DOT1L: variants seen among roughly 807,000 people sequenced by gnomAD.
DOT1L encodes the protein histone-lysine N-methyltransferase, H3 lysine-79 specific.
DOT1L carries 33 observed loss-of-function variants against 153.3 expected under a neutral mutation model. The observed-to-expected ratio is 0.22, with a 90% CI of 0.16 to 0.29. The LOEUF (loss-of-function observed/expected upper bound fraction) is 0.29. Ranked by LOEUF, DOT1L falls within the 10% of genes least tolerant of loss-of-function variation. The pLI is 1.00. For synonymous variants in DOT1L, 1,135 were observed against 965.1 expected (o/e 1.18, Z -3.26); for missense variants, 1,847 against 2,119.9 (o/e 0.87, Z 2.53).
chr19:2,228,452 G>T, intron 27 of DOT1L: 1 of 1,223,946 alleles, frequency 8.2e-7, no homozygotes, highest in African/African-American at 1.6e-5. Context: ...AGAGAAGACG[G>T]CCACAGGGCT....
chr19:2,182,944 C>T (rs1235880237), intron 2 of DOT1L, among the ~76,000 whole-genome samples: 2 of 152,146 alleles, frequency 1.3e-5, no homozygotes, highest in Non-Finnish European at 2.9e-5. Context: ...CAGGGGCGTG[C>T]ACCAACACCT....
intron 8 of DOT1L, among the ~76,000 whole-genome samples, chr19:2,202,357 C>T (rs1333459928): frequency 6.6e-6 from 1 of 152,228 alleles, no homozygotes; most frequent in Non-Finnish European, 1.5e-5. Flanking sequence ...TTTTGGCCAC[C>T]CACCTTCTTC....
At position 2,207,608 on chromosome 19, in the gene DOT1L, G is replaced by C. The variant is rs531777088; in HGVS notation, c.891G>C (p.Ser297=). ...IGTIMRVVEL[S]PLKGSVSWTG... is the part of the protein sequence containing the mutation. ...CCATCATGCGCGTGGTGGAGCTCTC[G>C]CCCCTGAAGGGCTCGGTGTCGTGGA... Residue 297 remains serine, a synonymous_variant, in exon 11 of 28, where the codon TCG becomes TCC. Transcript: ENST00000398665. This position sits in a 1 kb window ranked among gnomAD's most constrained non-coding sequence, Gnocchi z 4.5. 2 of 1,612,372 alleles carry C rather than the reference G, an allele frequency of 1.2e-6. No individual in the cohort carries two copies. Among genetic ancestry groups the C allele is most frequent in the South Asian group, 1.1e-5 (1 of 91,080 alleles).
intron 3 of DOT1L, among the ~76,000 whole-genome samples, chr19:2,187,258 C>T (rs2022555069): frequency 6.6e-6 from 1 of 152,248 alleles, no homozygotes; most frequent in Non-Finnish European, 1.5e-5. Context: ...AGCCCTTTCA[C>T]ATTAACCTGG....
At chr19:2,200,061 C>A in intron 8 of DOT1L, 122 bp downstream of exon 8, 4 of 1,311,288 alleles carry the variant, frequency 3.1e-6, no homozygotes, top group South Asian at 2.8e-5. Flanking sequence ...GGAAAGAGGC[C>A]GGTGGGGACA....
intron 5 of DOT1L, among the ~76,000 whole-genome samples, chr19:2,192,873 C>T (rs1439789295): frequency 6.6e-6 from 1 of 152,132 alleles, no homozygotes; most frequent in Non-Finnish European, 1.5e-5. Context: ...ATTAAAAAGG[C>T]TTATATGTTT....
intron 3 of DOT1L, among the ~76,000 whole-genome samples, chr19:2,186,771 G>T (rs73916864): frequency 6.6e-6 from 1 of 152,240 alleles, no homozygotes; most frequent in Non-Finnish European, 1.5e-5. Flanking sequence ...TGCTGGCAGG[G>T]TCCTGCGTGC....
At chr19:2,195,003 G>A (rs1420081221) in intron 7 of DOT1L, among the ~76,000 whole-genome samples, 1 of 152,150 alleles carries the variant, frequency 6.6e-6, no homozygotes, top group East Asian at 1.9e-4. Context: ...CAACCTCGGG[G>A]TGGGCAGTGT....
At chr19:2,194,379 G>C in intron 6 of DOT1L, 136 bp from the exon 7 acceptor site, 1 of 896,508 alleles carries the variant, frequency 1.1e-6, no homozygotes. Flanking sequence ...CACCGTGTTA[G>C]CCAGGATGGT....
At chr19:2,170,529 G>A (rs145677294) in intron 1 of DOT1L, among the ~76,000 whole-genome samples, 153 of 152,230 alleles carry the variant, frequency 1.0e-3, no homozygotes, top group African/African-American at 3.6e-3. Context: ...TTCCTACTGG[G>A]CAGCCCCGAT....
chr19:2,194,823 G>A (rs960681314), intron 7 of DOT1L, among the ~76,000 whole-genome samples: 2 of 152,248 alleles, frequency 1.3e-5, no homozygotes, highest in African/African-American at 4.8e-5. Flanking sequence ...AGCATGCGGT[G>A]CACAGAGGTG....
At chr19:2,202,430 C>T (rs1034610337) in intron 8 of DOT1L, among the ~76,000 whole-genome samples, 25 of 152,364 alleles carry the variant, frequency 1.6e-4, no homozygotes, top group African/African-American at 6.0e-4. Context: ...TGTGAACCTT[C>T]CCAGATCACT....
chr19:2,189,620 C>A, intron 3 of DOT1L, 112 bp from the exon 4 acceptor site: 3 of 1,194,474 alleles, frequency 2.5e-6, no homozygotes, highest in South Asian at 1.3e-5. Context: ...TGGCTGGTGG[C>A]TGTCCAGGCA....
chr19:2,221,953 G>A lies in DOT1L; in HGVS notation c.2807-23G>A, dbSNP rs1295055085. 3 of 1,574,824 alleles carry A rather than the reference G, an allele frequency of 1.9e-6. No individual in the cohort carries two copies. The African/African-American group carries it at 4.0e-5, about 21-fold the overall frequency. On this transcript the variant is annotated intron_variant, in intron 23 of 27. Coordinates refer to ENST00000398665, the MANE Select transcript of DOT1L (RefSeq NM_032482.3). ...TCTTTGGCCATCCTGTGTCCCCTGA[G>A]ACCCCCATGTCCTTCCCGGCAGGCT...
chr19:2,177,598 C>T (rs2022010701), intron 1 of DOT1L, among the ~76,000 whole-genome samples: 1 of 152,156 alleles, frequency 6.6e-6, no homozygotes, highest in Admixed American at 6.5e-5. Flanking sequence ...TTCCTGACCT[C>T]ATGATCTGCG....
chr19:2,164,336 C>A (rs1225724950), intron 1 of DOT1L, 71 bp downstream of exon 1: 4 of 1,075,074 alleles, frequency 3.7e-6, no homozygotes, highest in African/African-American at 1.7e-5. Flanking sequence ...ACACCCCAAA[C>A]CCCCCCAAGC....
chr19:2,194,692 G>A, intron 7 of DOT1L, 115 bp downstream of exon 7: 2 of 465,096 alleles, frequency 4.3e-6, no homozygotes, highest in Non-Finnish European at 6.6e-6. Context: ...CACATGGTGT[G>A]CCCCCTGGAG....
intron 16 of DOT1L, chr19:2,213,328 G>C: frequency 2.0e-6 from 1 of 510,500 alleles, no homozygotes; most frequent in Non-Finnish European, 3.5e-6. Context: ...TCCAGCTGGC[G>C]AGAGTTCTTT....
At chr19:2,187,366 G>A (rs1014953502) in intron 3 of DOT1L, among the ~76,000 whole-genome samples, 1 of 152,258 alleles carries the variant, frequency 6.6e-6, no homozygotes, top group Non-Finnish European at 1.5e-5. Flanking sequence ...CTCCACGTGG[G>A]TGTGTGGCGT....
Sources: allele counts gnomAD v4.1 joint callset (sites outside exome capture counted in the v4.1 genomes callset), GRCh38; gene constraint gnomAD v4.1.1; non-coding constraint Gnocchi (gnomAD v3.1); transcripts MANE v1.5; gene names NCBI Gene and HGNC (gene_info 2026-07-23, HGNC 2026-07-21).